SHOC1: variants seen among roughly 807,000 people sequenced by gnomAD.
The protein encoded by SHOC1 is shortage in chiasmata 1, also known as protein shortage in chiasmata 1 ortholog.
In SHOC1, 136 loss-of-function variants were observed where a neutral mutation model predicts 179.2. That is an observed-to-expected ratio of 0.76 (90% confidence interval 0.66 to 0.87). SHOC1 has a LOEUF of 0.87. Ranked by LOEUF, SHOC1 falls within the 40% of genes least tolerant of loss-of-function variation. The pLI, the probability that SHOC1 is intolerant of heterozygous loss-of-function variation, is 0.00. For synonymous variants in SHOC1, 489 were observed against 586.6 expected (o/e 0.83, Z 2.41); for missense variants, 1,538 against 1,700.8 (o/e 0.90, Z 1.68).
In SHOC1 at chr9:111,703,951, A is replaced by G. The variant is rs1832118842; in HGVS notation, c.2897T>C (p.Leu966Ser). The change falls in exon 22 of 28, where the codon TTG becomes TCG. Residue 966 changes from leucine to serine, a missense_variant. Leu to Ser is a moderately radical substitution (Grantham distance 145). Transcript: ENST00000682961. ...SLVERGCSES[L>S]KLFGSSECYV... is the part of the protein sequence containing the mutation. ...ACACTCTGAACTTCCAAAGAGTTTC[A>G]ATGACTCACTGCAGCCTCTCTCTAC... is the stretch of plus-strand genomic sequence containing the variant. 1.2e-6 allele frequency: 2 copies of G among 1,607,372 alleles called. No individual in the cohort carries two copies. Among genetic ancestry groups the G allele is most frequent in the Non-Finnish European group, 1.7e-6 (2 of 1,176,952 alleles).
In SHOC1 at chr9:111,686,753, A is replaced by G. The variant is rs1338867633; in HGVS notation, c.*17T>C. The G allele has an allele frequency of 1.3e-6, 2 of 1,532,900 alleles. No homozygotes were observed. The highest frequency in any genetic ancestry group is 1.1e-5 in the South Asian group (1 of 89,178). 95.0% of individuals were successfully genotyped at this position (1,532,900 alleles called of 1,614,324 possible). A position where few individuals can be genotyped will look rare whatever the true frequency, so the allele number is the denominator to read the frequency against. On this transcript the variant is annotated 3_prime_UTR_variant, in exon 28 of 28. Transcript: ENST00000682961. The stretch of plus-strand genomic sequence containing the variant: ...AAAACAGTGGAATATGGCATGTAAC[A>G]TTGCTCTTCTCCTCCTTCAAAAAAA...
At chr9:111,759,412 A>C (rs1835035992) in intron 5 of SHOC1, 1 of 1,434,420 alleles carries the variant, frequency 7.0e-7, no homozygotes, top group African/African-American at 1.4e-5. Flanking sequence ...CTACTTGAGG[A>C]GTATGATATA....
intron 16 of SHOC1, among the ~76,000 whole-genome samples, chr9:111,716,345 G>A (rs10981035): frequency 0.51 from 73,838 of 146,054 alleles, 20,052 homozygotes; most frequent in East Asian, 0.87. Flanking sequence ...TATTGTTTAA[G>A]CCAACCTCCA....
rs984382169 is a variant in SHOC1, at chr9:111,714,704, T to C, written c.2237-81A>G. On this transcript the variant is annotated intron_variant, in intron 16 of 27. Transcript: ENST00000682961. ...CGTGGTAAAAAAGGCTTAAAGAAAA[T>C]AAGTCAAAGCAGAGACAGTTAAAAT... 2.4e-6 allele frequency: 3 copies of C among 1,232,860 alleles called. No homozygotes were observed. The African/African-American group carries it at 4.6e-5, about 19-fold the overall frequency. The allele number at this position is 1,232,860 out of a possible 1,614,324, so 76.4% of individuals were successfully genotyped here.
chr9:111,707,433 G>C (rs912058848), intron 19 of SHOC1, among the ~76,000 whole-genome samples: 8 of 151,810 alleles, frequency 5.3e-5, no homozygotes, highest in Non-Finnish European at 7.4e-5. Flanking sequence ...GCAAAATAAA[G>C]AGTTTTACAC....
chr9:111,708,348 G>A (rs962070764), intron 18 of SHOC1, among the ~76,000 whole-genome samples: 4 of 151,874 alleles, frequency 2.6e-5, no homozygotes, highest in Non-Finnish European at 5.9e-5. Context: ...GATGACAAGT[G>A]CCTGCCACCA....
chr9:111,718,552 G>C (rs1232259992), intron 15 of SHOC1, among the ~76,000 whole-genome samples: 2 of 152,172 alleles, frequency 1.3e-5, no homozygotes, highest in Admixed American at 1.3e-4. Context: ...AAATGGTAGA[G>C]CTGTCATTTA....
chr9:111,782,021 C>A (rs919514386), intron 3 of SHOC1, among the ~76,000 whole-genome samples: 1 of 152,114 alleles, frequency 6.6e-6, no homozygotes, highest in African/African-American at 2.4e-5. Flanking sequence ...ACCATCCTGG[C>A]TAACACAGTG....
intron 21 of SHOC1, among the ~76,000 whole-genome samples, chr9:111,705,032 G>A (rs2131353660): frequency 6.6e-6 from 1 of 152,028 alleles, no homozygotes; most frequent in African/African-American, 2.4e-5. Flanking sequence ...ATAATTATGA[G>A]GGTGTAGTAT....
At chr9:111,732,338 C>T (rs1441111605) in intron 12 of SHOC1, among the ~76,000 whole-genome samples, 1 of 152,116 alleles carries the variant, frequency 6.6e-6, no homozygotes, top group African/African-American at 2.4e-5. Flanking sequence ...AATCCCAGTA[C>T]TTTGGGTGGA....
At chr9:111,716,905 G>C (rs980671315) in intron 16 of SHOC1, among the ~76,000 whole-genome samples, 1 of 152,188 alleles carries the variant, frequency 6.6e-6, no homozygotes, top group African/African-American at 2.4e-5. Flanking sequence ...AGGATTGGGG[G>C]CTAAGAACCC....
At chr9:111,699,087 A>G (rs1471931918) in intron 24 of SHOC1, among the ~76,000 whole-genome samples, 2 of 152,130 alleles carry the variant, frequency 1.3e-5, no homozygotes. Context: ...CGGAAATGTA[A>G]TTGGTGTCTA....
intron 5 of SHOC1, among the ~76,000 whole-genome samples, chr9:111,774,854 T>C (rs1475919554): frequency 6.6e-6 from 1 of 152,090 alleles, no homozygotes; most frequent in Non-Finnish European, 1.5e-5. Context: ...AATAGAACCT[T>C]AAGTTCTATA....
intron 8 of SHOC1, among the ~76,000 whole-genome samples, chr9:111,751,036 G>C (rs561788997): frequency 2.6e-5 from 4 of 152,166 alleles, no homozygotes; most frequent in Admixed American, 2.6e-4. Flanking sequence ...TGTAAGAAAG[G>C]GGTCCAGTTT....
rs753249231 is a variant in SHOC1 at position 111,692,408 on chromosome 9, A to G, written c.3569T>C (p.Leu1190Ser). The G allele has an allele frequency of 1.9e-6, 3 of 1,613,692 alleles. No individual in the cohort carries two copies. Among genetic ancestry groups the G allele is most frequent in the Non-Finnish European group, 2.5e-6 (3 of 1,179,810 alleles). The change falls in exon 27 of 28, where the codon TTG (leucine) becomes TCG (serine). Residue 1190 changes from leucine to serine, a missense_variant. Transcript: ENST00000682961. The part of the protein sequence containing the change: ...PQENRNQIST[L>S]SSQSSASDLD... ...ATCAGAAGCTGAACTTTGAGAAGACAAGGTACTAATCTGATTCCTATTTTC... is the reference window on the plus strand; with the variant it reads ...ATCAGAAGCTGAACTTTGAGAAGACGAGGTACTAATCTGATTCCTATTTTC...
In SHOC1 at chr9:111,694,021, C is replaced by A. The variant is rs867428794; in HGVS notation, c.3316-73G>T. 1.4e-4 allele frequency: 185 copies of A among 1,302,258 alleles called. No homozygotes were observed. The African/African-American group carries it at 2.5e-3, about 17-fold the overall frequency. 80.7% of individuals were successfully genotyped at this position (1,302,258 alleles called of 1,614,324 possible). On this transcript the variant is annotated intron_variant, in intron 25 of 27. Transcript: ENST00000682961. ...AGCCATTTTATTCTACAAGTAAGTACATTTCTTCCTAGAAAAGAGTTTAAT... is the reference window on the plus strand; with the variant it reads ...AGCCATTTTATTCTACAAGTAAGTAAATTTCTTCCTAGAAAAGAGTTTAAT...
chr9:111,778,770 C>CAAAA lies in SHOC1; in HGVS notation c.257+2156_257+2159dup, dbSNP rs11295075. ...TAGGTGACAGAGAGAGACTCTGTCT[C>CAAAA]AAAAAAAAAAAAAAAAAAAAAGAGA... On this transcript the variant is annotated intron_variant, in intron 4 of 27. Transcript: ENST00000682961. Among the ~76,000 whole-genome samples, 234 of 73,976 alleles carry CAAAA rather than the reference C, an allele frequency of 3.2e-3. 4 individuals carry two copies. Among genetic ancestry groups the CAAAA allele is most frequent in the Non-Finnish European group, 5.0e-3 (195 of 39,104 alleles). 48.5% of individuals were successfully genotyped at this position (73,976 alleles called of 152,430 possible).
At position 111,691,866 on chromosome 9, in the gene SHOC1, G is replaced by C; in HGVS notation, c.4111C>G (p.Pro1371Ala). Residue 1371 changes from proline to alanine, a missense_variant, in exon 27 of 28, where the codon CCG becomes GCG. By Grantham distance (27) the Pro-to-Ala change is conservative (BLOSUM62 -1). Transcript: ENST00000682961. ...TGTGCACCATATTGTAAGTTGAACGGGTGATTCTCTTGTTCCCATATATTT... is the reference window on the plus strand; with the variant it reads ...TGTGCACCATATTGTAAGTTGAACGCGTGATTCTCTTGTTCCCATATATTT... Reference protein sequence around the residue: ...KKNIWEQENHPFNLQYGAQQT... With the variant: ...KKNIWEQENHAFNLQYGAQQT... The C allele has an allele frequency of 6.2e-7, 1 of 1,613,700 alleles. No individual in the cohort carries two copies. The highest frequency in any genetic ancestry group is 2.2e-5 in the East Asian group (1 of 44,856).
At chr9:111,773,312 TTTTA>T (rs1420209071) in intron 5 of SHOC1, among the ~76,000 whole-genome samples, 34 of 152,314 alleles carry the variant, frequency 2.2e-4, no homozygotes, top group South Asian at 1.7e-3. Context: ...TTTATTTTAT[TTTTA>T]TTTATTATTT....
Sources: allele counts gnomAD v4.1 joint callset (sites outside exome capture counted in the v4.1 genomes callset), GRCh38; gene constraint gnomAD v4.1.1; transcripts MANE v1.5; gene names NCBI Gene and HGNC (gene_info 2026-07-23, HGNC 2026-07-21).